CADPS2: variants seen among roughly 807,000 people sequenced by gnomAD.
CADPS2 encodes calcium-dependent secretion activator 2.
In CADPS2, 93 loss-of-function variants were observed where a neutral mutation model predicts 172.5. The observed-to-expected ratio is 0.54, with a 90% CI of 0.46 to 0.64. The LOEUF is 0.64. Ranked by LOEUF, CADPS2 falls within the 30% of genes least tolerant of loss-of-function variation. The pLI, the probability that CADPS2 is intolerant of heterozygous loss-of-function variation, is 0.00. For synonymous variants in CADPS2, 546 were observed against 555.2 expected (o/e 0.98, Z 0.23); for missense variants, 1,420 against 1,565.9 (o/e 0.91, Z 1.57).
chr7:122,790,974 G>A (rs964823225), intron 1 of CADPS2, among the ~76,000 whole-genome samples: 1 of 152,128 alleles, frequency 6.6e-6, no homozygotes, highest in Non-Finnish European at 1.5e-5. Flanking sequence ...AAAGCAAAGG[G>A]ACAAATCATT....
At chr7:122,335,586 AGTAGAGC>A (rs1288979628) in intron 28 of CADPS2, among the ~76,000 whole-genome samples, 1 of 152,252 alleles carries the variant, frequency 6.6e-6, no homozygotes, top group Admixed American at 6.5e-5. Flanking sequence ...TATAGAGGTC[AGTAGAGC>A]AAAAGTATGG....
intron 8 of CADPS2, among the ~76,000 whole-genome samples, chr7:122,520,984 C>T (rs776547387): frequency 6.6e-6 from 1 of 151,900 alleles, no homozygotes; most frequent in African/African-American, 2.4e-5. Context: ...ATGAGTCTAG[C>T]GCTTTATTCA....
At chr7:122,587,715 C>T (rs1358528470) in intron 6 of CADPS2, among the ~76,000 whole-genome samples, 3 of 152,002 alleles carry the variant, frequency 2.0e-5, no homozygotes, top group African/African-American at 7.2e-5. Flanking sequence ...ATCTTTGTAA[C>T]AGAATAATTT....
intron 5 of CADPS2, among the ~76,000 whole-genome samples, chr7:122,621,211 A>G (rs953326443): frequency 2.6e-5 from 4 of 152,094 alleles, no homozygotes; most frequent in African/African-American, 9.7e-5. Context: ...TTATTTTATC[A>G]GTAAATTTAC....
chr7:122,367,346 G>A (rs2041054827), intron 25 of CADPS2, among the ~76,000 whole-genome samples: 1 of 150,768 alleles, frequency 6.6e-6, no homozygotes, highest in Non-Finnish European at 1.5e-5. Flanking sequence ...CAATATAGTT[G>A]TGGGAAAAGT....
chr7:122,480,884 A>C (rs1267026062), intron 11 of CADPS2, 24 bp from the exon 12 acceptor site: 2 of 1,513,572 alleles, frequency 1.3e-6, no homozygotes, highest in East Asian at 4.9e-5. Context: ...AAGAAATGAG[A>C]AACAAAGCAT....
intron 28 of CADPS2, among the ~76,000 whole-genome samples, chr7:122,335,885 G>C (rs2035783647): frequency 6.6e-6 from 1 of 152,172 alleles, no homozygotes. Context: ...GAGGATGCTG[G>C]CTACCTGCCT....
At chr7:122,625,299 C>T (rs2075982885) in intron 4 of CADPS2, among the ~76,000 whole-genome samples, 1 of 152,172 alleles carries the variant, frequency 6.6e-6, no homozygotes, top group African/African-American at 2.4e-5. Flanking sequence ...ATCCGCCCGC[C>T]TCAGCCTCCC....
chr7:122,685,178 T>G (rs999576015), intron 2 of CADPS2, among the ~76,000 whole-genome samples: 1 of 152,140 alleles, frequency 6.6e-6, no homozygotes, highest in African/African-American at 2.4e-5. Flanking sequence ...AAAGCTTGAA[T>G]TCACTCACCA....
chr7:122,641,676 C>T (rs962354263), intron 3 of CADPS2, among the ~76,000 whole-genome samples: 1 of 152,106 alleles, frequency 6.6e-6, no homozygotes. Flanking sequence ...CTTACACTTA[C>T]AGAGATTTTC....
chr7:122,608,187 G>A lies in CADPS2; in HGVS notation c.1223+6994C>T, dbSNP rs1045022877. 4.7e-5 allele frequency among the ~76,000 whole-genome samples: 7 copies of A among 149,170 alleles called. No individual in the cohort carries two copies. In the Admixed American group the frequency reaches 4.7e-4, roughly 10 times the overall value. ...GCTGTGAGTGCACCATTGCACTCCA[G>A]CCTGGTGACAGAGCGAGACTCCGTC... On this transcript the variant is annotated intron_variant, in intron 6 of 29. Coordinates refer to ENST00000449022, the MANE Select transcript of CADPS2 (RefSeq NM_017954.11).
intron 3 of CADPS2, among the ~76,000 whole-genome samples, chr7:122,651,970 C>T (rs963161828): frequency 3.3e-5 from 5 of 152,144 alleles, no homozygotes; most frequent in Non-Finnish European, 5.9e-5. Context: ...GCCCCATCTC[C>T]TGCTCATACT....
intron 1 of CADPS2, among the ~76,000 whole-genome samples, chr7:122,849,423 T>C (rs1173365511): frequency 6.6e-6 from 1 of 152,232 alleles, no homozygotes; most frequent in African/African-American, 2.4e-5. Context: ...TTATTTGTAC[T>C]CAGGACATCA....
At chr7:122,381,840 C>T (rs1408627467) in intron 24 of CADPS2, among the ~76,000 whole-genome samples, 2 of 152,140 alleles carry the variant, frequency 1.3e-5, no homozygotes, top group Admixed American at 6.5e-5. Flanking sequence ...AAGAAGTATA[C>T]ATCTGAAATT....
intron 1 of CADPS2, among the ~76,000 whole-genome samples, chr7:122,825,954 G>A (rs1314283714): frequency 1.3e-5 from 2 of 152,186 alleles, no homozygotes; most frequent in African/African-American, 2.4e-5. Context: ...CCAGGGTGGT[G>A]TAAGAACGCC....
At chr7:122,880,300 T>C (rs2141724402) in intron 1 of CADPS2, among the ~76,000 whole-genome samples, 1 of 152,310 alleles carries the variant, frequency 6.6e-6, no homozygotes, top group South Asian at 2.1e-4. Context: ...AGTTGTACAA[T>C]GAATAAAAGA....
chr7:122,822,350 C>G lies in CADPS2; in HGVS notation c.339+63649G>C, dbSNP rs574068089. ...ACAAATGTTTCTTCTAATATCCCCA[C>G]AATATCACCCCTTACCACAAGACCT... On this transcript the variant is annotated intron_variant, in intron 1 of 29. Transcript: ENST00000449022. 2.6e-5 allele frequency among the ~76,000 whole-genome samples: 4 copies of G among 152,156 alleles called. No homozygotes were observed. The South Asian group carries it at 8.3e-4, about 32-fold the overall frequency.
chr7:122,866,187 T>G (rs565512814), intron 1 of CADPS2, among the ~76,000 whole-genome samples: 7 of 152,354 alleles, frequency 4.6e-5, no homozygotes, highest in South Asian at 2.1e-4. Context: ...TGTTATAATC[T>G]CAAAATAGCA....
At chr7:122,557,710 G>A (rs892343170) in intron 7 of CADPS2, among the ~76,000 whole-genome samples, 1 of 152,130 alleles carries the variant, frequency 6.6e-6, no homozygotes, top group Non-Finnish European at 1.5e-5. Context: ...TAGGAAGAAA[G>A]GCAACAAAAC....
Sources: allele counts gnomAD v4.1 joint callset (sites outside exome capture counted in the v4.1 genomes callset), GRCh38; gene constraint gnomAD v4.1.1; transcripts MANE v1.5; gene names NCBI Gene and HGNC (gene_info 2026-07-23, HGNC 2026-07-21).